The following COL11A1 variants were observed in gnomAD, a reference collection of about 807,000 sequenced individuals.
COL11A1 encodes collagen alpha-1(XI) chain.
Under a neutral mutation model 265.2 loss-of-function variants are expected in COL11A1, and 74 were observed. That is an observed-to-expected ratio of 0.28 (90% CI 0.23 to 0.34). COL11A1 has a LOEUF of 0.34. Ranked by LOEUF, COL11A1 falls within the 10% of genes least tolerant of loss-of-function variation. The pLI is 1.00. For synonymous variants in COL11A1, 816 were observed against 727.6 expected (o/e 1.12, Z -1.96); for missense variants, 2,165 against 2,263.6 (o/e 0.96, Z 0.88).
chr1:102,971,026 C>CAAACAAACA (rs55924751), intron 36 of COL11A1, among the ~76,000 whole-genome samples: 12 of 150,484 alleles, frequency 8.0e-5, no homozygotes, highest in African/African-American at 2.9e-4. Flanking sequence ...ACAAAACAAA[C>CAAACAAACA]AAAAAAAAAC....
chr1:103,030,344 G>C (rs1023657871), intron 5 of COL11A1, among the ~76,000 whole-genome samples: 3 of 151,916 alleles, frequency 2.0e-5, no homozygotes, highest in Non-Finnish European at 4.4e-5. Flanking sequence ...TTCTAGCATT[G>C]AAAGTGAAAA....
At chr1:102,929,900 G>T in intron 46 of COL11A1, among the ~76,000 whole-genome samples, 1 of 152,096 alleles carries the variant, frequency 6.6e-6, no homozygotes. Context: ...TTTGTCTGTT[G>T]TTGGTGCATA....
chr1:102,878,842 A>G (rs1649878245), intron 66 of COL11A1, among the ~76,000 whole-genome samples: 1 of 152,080 alleles, frequency 6.6e-6, no homozygotes, highest in African/African-American at 2.4e-5. Flanking sequence ...TTACCATTAT[A>G]GTTAAGATAT....
At chr1:103,086,695 C>T (rs562441629) in intron 1 of COL11A1, among the ~76,000 whole-genome samples, 1 of 152,262 alleles carries the variant, frequency 6.6e-6, no homozygotes, top group African/African-American at 2.4e-5. Context: ...GGATTACAGG[C>T]GTGAGCCACC....
chr1:102,978,571 A>G (rs1662724517), intron 35 of COL11A1, 137 bp downstream of exon 35: 2 of 909,124 alleles, frequency 2.2e-6, no homozygotes, highest in Non-Finnish European at 3.5e-6. Flanking sequence ...ATTAAAAAAT[A>G]AGCGTTTTTA....
At chr1:103,011,993 T>G (rs1350824935) in intron 14 of COL11A1, among the ~76,000 whole-genome samples, 2 of 152,178 alleles carry the variant, frequency 1.3e-5, no homozygotes, top group Non-Finnish European at 2.9e-5. Context: ...GTTTAAAAAG[T>G]ATCTTGCTTG....
At chr1:103,012,354 C>T (rs557908278) in intron 14 of COL11A1, 59 bp downstream of exon 14, 36 of 1,280,032 alleles carry the variant, frequency 2.8e-5, no homozygotes, top group East Asian at 9.4e-5. Flanking sequence ...GAAGAAGTTG[C>T]ACAGGGAACT....
At chr1:103,059,682 G>A (rs1213374129) in intron 4 of COL11A1, among the ~76,000 whole-genome samples, 1 of 151,930 alleles carries the variant, frequency 6.6e-6, no homozygotes, top group Non-Finnish European at 1.5e-5. Context: ...CTGTAACAAA[G>A]AATCAAAAAT....
Position 103,046,187 on chromosome 1 carries a change from C to T in COL11A1, c.652-14943G>A, listed in dbSNP as rs1285330648. Among the ~76,000 whole-genome samples the T allele has an allele frequency of 5.7e-4, 85 of 148,954 alleles. 1 individual carries two copies. Among genetic ancestry groups the T allele is most frequent in the Non-Finnish European group, 1.6e-4 (11 of 67,354 alleles). On this transcript the variant is annotated intron_variant, in intron 4 of 66. Transcript: ENST00000370096. ...TTTCTAGTTCTAGATCCCTGAGGAA[C>T]TGCCACACTGACTTCCACAATGGTT... is the stretch of plus-strand genomic sequence containing the variant.
chr1:103,020,051 A>G (rs1486183262), intron 9 of COL11A1, among the ~76,000 whole-genome samples: 5 of 150,472 alleles, frequency 3.3e-5, no homozygotes, highest in Non-Finnish European at 7.4e-5. Flanking sequence ...ATAAACATAC[A>G]TGTGCATGTA....
intron 30 of COL11A1, 59 bp from the exon 31 acceptor site, chr1:102,984,250 A>G: frequency 8.8e-7 from 1 of 1,136,610 alleles, no homozygotes; most frequent in Non-Finnish European, 1.3e-6. Flanking sequence ...AGCTTAAATA[A>G]TGATTTCAAT....
chr1:102,974,506 T>C (rs559468248), intron 36 of COL11A1, among the ~76,000 whole-genome samples: 10 of 152,270 alleles, frequency 6.6e-5, no homozygotes, highest in Admixed American at 5.2e-4. Context: ...AATTCGAATA[T>C]ACCAAATATT....
chr1:103,105,833 A>G (rs1296648782), intron 1 of COL11A1, among the ~76,000 whole-genome samples: 2 of 152,160 alleles, frequency 1.3e-5, no homozygotes, highest in Non-Finnish European at 2.9e-5. Flanking sequence ...TTTGAAGTTA[A>G]TTAAGGGATA....
rs766344666 is a variant in COL11A1, at chr1:102,936,238, C to CA, written c.3439-1126dup. 2.0e-3 allele frequency among the ~76,000 whole-genome samples: 244 copies of CA among 123,516 alleles called. 1 individual carries two copies. Among genetic ancestry groups the CA allele is most frequent in the South Asian group, 0.013 (50 of 3,880 alleles). 81.0% of individuals were successfully genotyped at this position (123,516 alleles called of 152,430 possible). ...TCATACTGAAGTACAGTGCTTGTCT[C>CA]AAAAAAAAAAAAAAGCCCTACAAAC... On this transcript the variant is annotated intron_variant, in intron 44 of 66. Transcript: ENST00000370096.
At chr1:102,941,478 C>G (rs1219460005) in intron 42 of COL11A1, among the ~76,000 whole-genome samples, 1 of 152,206 alleles carries the variant, frequency 6.6e-6, no homozygotes, top group Non-Finnish European at 1.5e-5. Flanking sequence ...CTACCATGAT[C>G]TAGCTCCTGC....
chr1:103,088,123 CATA>C, intron 1 of COL11A1, among the ~76,000 whole-genome samples: 1 of 152,256 alleles, frequency 6.6e-6, no homozygotes, highest in African/African-American at 2.4e-5. Context: ...TGAAACATCT[CATA>C]ATACTTTGAT....
intron 54 of COL11A1, among the ~76,000 whole-genome samples, chr1:102,906,837 G>T (rs537362372): frequency 1.3e-5 from 2 of 152,030 alleles, no homozygotes; most frequent in East Asian, 3.9e-4. Context: ...TTAATTGCTA[G>T]TGTTAAATCA....
intron 5 of COL11A1, chr1:103,030,864 A>T (rs1257688461): frequency 2.0e-5 from 9 of 442,678 alleles, no homozygotes; most frequent in Non-Finnish European, 3.8e-5. Flanking sequence ...TCCAAAATGG[A>T]ATATGTGCAT....
chr1:102,889,584 A>T (rs1178333700), intron 58 of COL11A1, 22 bp from the exon 59 acceptor site: 7 of 1,517,696 alleles, frequency 4.6e-6, no homozygotes, highest in Non-Finnish European at 6.4e-6. Flanking sequence ...AGAGAAAAAA[A>T]ATAATAACAT....
Sources: gnomAD v4.1 joint callset for allele counts (sites outside exome capture counted in the v4.1 genomes callset) on GRCh38, gnomAD v4.1.1 for gene constraint, MANE v1.5 for transcripts, NCBI Gene and HGNC (gene_info 2026-07-23, HGNC 2026-07-21) for gene names.